The following PEAR1 variants were observed in gnomAD, a reference collection of about 807,000 sequenced individuals.
PEAR1 encodes the protein multiple EGF-like domains protein 12.
In PEAR1, 113 loss-of-function variants were observed where a neutral mutation model predicts 131.2. The observed-to-expected ratio is 0.86, with a 90% CI of 0.74 to 1.01. PEAR1 has a LOEUF of 1.01. PEAR1 is among the 50% of genes least tolerant of loss of function. The probability of loss-of-function intolerance (pLI) is 0.00; values close to 1 mark genes in which losing one functional copy is unlikely to be tolerated. For synonymous variants in PEAR1, 565 were observed against 523.3 expected (o/e 1.08, Z -1.09); for missense variants, 1,408 against 1,391.1 (o/e 1.01, Z -0.19).
Position 156,907,965 on chromosome 1 carries a change from C to T in PEAR1, c.816C>T (p.Cys272=), listed in dbSNP as rs758208897. The T allele has an allele frequency of 1.9e-6, 3 of 1,583,604 alleles. No homozygotes were observed. In the South Asian group the frequency reaches 3.4e-5, roughly 18 times the overall value. Residue 272 remains cysteine, a synonymous_variant, in exon 8 of 23, where the codon TGC becomes TGT. Coordinates refer to ENST00000292357, the MANE Select transcript of PEAR1 (RefSeq NM_001080471.3). ...CAGAGGGCTTTCACGGACCCAACTG[C>T]TCCCAGGAATGTCGCTGCCACAACG... ...PCPEGFHGPN[C]SQECRCHNGG...
intron 1 of PEAR1, among the ~76,000 whole-genome samples, chr1:156,901,649 G>A (rs907657945): frequency 6.6e-6 from 1 of 152,212 alleles, no homozygotes; most frequent in Non-Finnish European, 1.5e-5. Flanking sequence ...CTGAGCTGCA[G>A]TTGGAGCACA....
intron 3 of PEAR1, 111 bp downstream of exon 3, chr1:156,904,963 G>T (rs1161819001): frequency 1.3e-6 from 2 of 1,564,764 alleles, no homozygotes; most frequent in Middle Eastern, 1.7e-4. Flanking sequence ...GGAAACTCCT[G>T]GCTTCTAGGG....
chr1:156,910,085 GTCAGT>G lies in PEAR1; in HGVS notation c.1656_1660del (p.Cys552TrpfsTer16). The G allele has an allele frequency of 6.2e-7, 1 of 1,614,172 alleles. No homozygotes were observed. Among genetic ancestry groups the G allele is most frequent in the Non-Finnish European group, 8.5e-7 (1 of 1,180,022 alleles). On this transcript the variant is annotated frameshift_variant, in exon 13 of 23. Transcript: ENST00000292357. LOFTEE classifies it high-confidence loss of function. ...GGCTGTGACCCTGTTCATGGACGCT[GTCAGT>G]GCCAGGCTGGCTGGATGGGTGAGCA...
At chr1:156,905,103 A>C in intron 3 of PEAR1, 5 of 1,309,294 alleles carry the variant, frequency 3.8e-6, no homozygotes, top group African/African-American at 1.5e-5. Flanking sequence ...CAAGAAGGGA[A>C]TGCTCTTTCT....
At chr1:156,901,632 A>G (rs1649688451) in intron 1 of PEAR1, among the ~76,000 whole-genome samples, 1 of 152,204 alleles carries the variant, frequency 6.6e-6, no homozygotes, top group African/African-American at 2.4e-5. Flanking sequence ...GCCTGGCTTC[A>G]GACAGACTGA....
chr1:156,908,279 G>C lies in PEAR1; in HGVS notation c.1054G>C (p.Asp352His). The part of the protein sequence containing the change: ...GDRCTDRLCP[D>H]GFYGLSCQAP... ...CCGCTGCACGGATCGCCTCTGCCCC[G>C]ACGGCTTCTACGGTCTCAGCTGCCA... Residue 352 changes from aspartate to histidine, a missense_variant, in exon 9 of 23, where the codon GAC becomes CAC. Physicochemically the swap from Asp to His is moderately conservative, Grantham distance 81 (BLOSUM62 -1). Coordinates refer to ENST00000292357, the MANE Select transcript of PEAR1 (RefSeq NM_001080471.3). This position sits in a 1 kb window ranked among gnomAD's most constrained non-coding sequence, Gnocchi z 4.2. 1 of 1,584,846 alleles carries C rather than the reference G, an allele frequency of 6.3e-7. No individual in the cohort carries two copies. The highest frequency in any genetic ancestry group is 8.5e-7 in the Non-Finnish European group (1 of 1,170,340).
At position 156,908,437 on chromosome 1, in the gene PEAR1, C is replaced by A. The variant is rs573307403; in HGVS notation, c.1115+97C>A. On this transcript the variant is annotated intron_variant, in intron 9 of 22. Transcript: ENST00000292357. The surrounding 1 kb of genome is among the most constrained non-coding windows in gnomAD (Gnocchi z 4.2). ...GAGCCAGGGCCATATCCAAGGGGGA[C>A]AGGTGTCACAGAAGGGGAAAGGGAG... 5 of 1,365,282 alleles carry A rather than the reference C, an allele frequency of 3.7e-6. No individual in the cohort carries two copies. In the East Asian group the frequency reaches 1.0e-4, roughly 28 times the overall value. The allele number at this position is 1,365,282 out of a possible 1,614,324, so 84.6% of individuals were successfully genotyped here.
At chr1:156,900,536 C>T (rs1434371871) in intron 1 of PEAR1, among the ~76,000 whole-genome samples, 1 of 152,178 alleles carries the variant, frequency 6.6e-6, no homozygotes, top group East Asian at 1.9e-4. Context: ...TGCCTGCTTC[C>T]TCATCTCTGA....
chr1:156,908,302 C>T lies in PEAR1; in HGVS notation c.1077C>T (p.Cys359=). Residue 359 remains cysteine (C), a synonymous_variant, in exon 9 of 23, where the codon TGC becomes TGT. Coordinates refer to ENST00000292357, the MANE Select transcript of PEAR1 (RefSeq NM_001080471.3). The surrounding 1 kb of genome is among the most constrained non-coding windows in gnomAD (Gnocchi z 4.2). ...CCGACGGCTTCTACGGTCTCAGCTG[C>T]CAGGCCCCCTGCACCTGCGACCGGG... ...LCPDGFYGLS[C]QAPCTCDREH... is the part of the protein sequence containing the mutation. 3 of 1,568,392 alleles carry T rather than the reference C, an allele frequency of 1.9e-6. No homozygotes were observed. The highest frequency in any genetic ancestry group is 2.6e-6 in the Non-Finnish European group (3 of 1,161,574).
rs41273219 is a variant in PEAR1 at position 156,915,754 on chromosome 1, A to C, written c.*956A>C. ...TCTCTGCCTCCCCCACTAGACTGTAAGCTCCCTGAAGGCAAGAATCCTGTG... is the reference window on the plus strand; with the variant it reads ...TCTCTGCCTCCCCCACTAGACTGTACGCTCCCTGAAGGCAAGAATCCTGTG... On this transcript the variant is annotated 3_prime_UTR_variant, in exon 23 of 23. Coordinates refer to ENST00000292357, the MANE Select transcript of PEAR1 (RefSeq NM_001080471.3). The C allele has an allele frequency of 3.3e-5, 5 of 152,186 alleles. No homozygotes were observed. Among genetic ancestry groups the C allele is most frequent in the Non-Finnish European group, 7.3e-5 (5 of 68,052 alleles). 9.4% of individuals were successfully genotyped at this position (152,186 alleles called of 1,614,324 possible).
intron 20 of PEAR1, 71 bp from the exon 21 acceptor site, chr1:156,913,621 C>G (rs1651530271): frequency 6.3e-7 from 1 of 1,598,110 alleles, no homozygotes; most frequent in Non-Finnish European, 8.5e-7. Context: ...GCTCTGGGCC[C>G]CATTTCTAGA....
At chr1:156,910,957 G>A (rs1651000981) in intron 15 of PEAR1, among the ~76,000 whole-genome samples, 1 of 152,214 alleles carries the variant, frequency 6.6e-6, no homozygotes. Flanking sequence ...CCTTCTGCAT[G>A]GGAAGCCTGG....
Position 156,914,652 on chromosome 1 carries a change from G to A in PEAR1, c.2968G>A (p.Asp990Asn). 1 of 1,611,488 alleles carries A rather than the reference G, an allele frequency of 6.2e-7. No individual in the cohort carries two copies. Among genetic ancestry groups the A allele is most frequent in the Non-Finnish European group, 8.5e-7 (1 of 1,178,680 alleles). The change falls in exon 23 of 23, where the codon GAC becomes AAC. Residue 990 changes from aspartate (D) to asparagine (N), a missense_variant. Physicochemically the swap from Asp to Asn is conservative, Grantham distance 23. Transcript: ENST00000292357. ...TCTTGTCCTCATGTTTCCAGACCGA[G>A]ACTCTGTGGGCTCCCAGCCCCCTCT... ...EQPSPLIHDR[D>N]SVGSQPPLPP...
chr1:156,905,634 C>T (rs1390654686), intron 4 of PEAR1, among the ~76,000 whole-genome samples: 1 of 152,074 alleles, frequency 6.6e-6, no homozygotes, highest in Non-Finnish European at 1.5e-5. Context: ...TGTCTCCAGC[C>T]GGCCCCATGT....
At chr1:156,899,472 C>T (rs1399572507) in intron 1 of PEAR1, among the ~76,000 whole-genome samples, 1 of 152,150 alleles carries the variant, frequency 6.6e-6, no homozygotes, top group African/African-American at 2.4e-5. Context: ...CTCCTGCCCC[C>T]ACTTCCTTTC....
At chr1:156,909,213 G>A (rs1650755156) in intron 11 of PEAR1, among the ~76,000 whole-genome samples, 177 bp downstream of exon 11, 1 of 152,144 alleles carries the variant, frequency 6.6e-6, no homozygotes, top group Non-Finnish European at 1.5e-5. Flanking sequence ...TATCCACTTT[G>A]CTTTTCTTCA....
At position 156,908,882 on chromosome 1, in the gene PEAR1, G is replaced by A. The variant is rs993423720; in HGVS notation, c.1291-34G>A. The A allele has an allele frequency of 8.1e-6, 13 of 1,609,720 alleles. No individual in the cohort carries two copies. On this transcript the variant is annotated intron_variant, in intron 10 of 22. Transcript: ENST00000292357. This position sits in a 1 kb window ranked among gnomAD's most constrained non-coding sequence, Gnocchi z 4.2. ...GAGGCAGGTGGAGAGGCCAAGGAATGGGCCGCCCCTCTCACCCGCTCACCC... is the reference window on the plus strand; with the variant it reads ...GAGGCAGGTGGAGAGGCCAAGGAATAGGCCGCCCCTCTCACCCGCTCACCC...
intron 6 of PEAR1, among the ~76,000 whole-genome samples, chr1:156,907,318 A>G (rs61813831): frequency 0.039 from 5,952 of 152,262 alleles, 147 homozygotes; most frequent in South Asian, 0.087. Context: ...CTACAGTAGC[A>G]CAGATGTTCC....
At position 156,895,902 on chromosome 1, in the gene PEAR1, G is replaced by A. The variant is rs1425659570; in HGVS notation, c.-10+2065G>A. On this transcript the variant is annotated intron_variant, in intron 1 of 22. Coordinates refer to ENST00000292357, the MANE Select transcript of PEAR1 (RefSeq NM_001080471.3). ...TCAAGACCGGCCTGGTCAACATAAT[G>A]AGATTGCATCCCTACAATTTTTTTT... Among the ~76,000 whole-genome samples the A allele has an allele frequency of 3.3e-5, 5 of 151,800 alleles. No homozygotes were observed. The South Asian group carries it at 1.1e-3, about 32-fold the overall frequency.
Sources: allele counts gnomAD v4.1 joint callset (sites outside exome capture counted in the v4.1 genomes callset), GRCh38; gene constraint gnomAD v4.1.1; non-coding constraint Gnocchi (gnomAD v3.1); transcripts MANE v1.5; gene names NCBI Gene and HGNC (gene_info 2026-07-23, HGNC 2026-07-21).